CEP164: variants seen among roughly 807,000 people sequenced by gnomAD.
CEP164 encodes the protein centrosomal protein 164, also known as centrosomal protein of 164 kDa.
Under a neutral mutation model 182.7 loss-of-function variants are expected in CEP164, and 162 were observed. That is an observed-to-expected ratio of 0.89 (90% CI 0.78 to 1.01). CEP164 has a LOEUF of 1.01. Ranked by LOEUF, CEP164 falls within the 50% of genes least tolerant of loss-of-function variation. The pLI, the probability that CEP164 is intolerant of heterozygous loss-of-function variation, is 0.00. For missense variants in CEP164, 1,735 were observed against 1,790.4 expected (o/e 0.97, Z 0.56); for synonymous variants, 661 against 690.0 (o/e 0.96, Z 0.66).
chr11:117,376,624 G>C (rs1229857847), intron 11 of CEP164, among the ~76,000 whole-genome samples: 1 of 148,004 alleles, frequency 6.8e-6, no homozygotes, highest in Non-Finnish European at 1.5e-5. Flanking sequence ...TGAAATGTGT[G>C]CTAGAGGCAG....
In CEP164 at chr11:117,409,656, G is replaced by A. The variant is rs748443825; in HGVS notation, c.3787G>A (p.Gly1263Arg). ...GAGTCTCACCTCCCGCAAGATCCACGGGCTTAGCCACTCCCTCCGGCAGAT... is the reference window on the plus strand; with the variant it reads ...GAGTCTCACCTCCCGCAAGATCCACAGGCTTAGCCACTCCCTCCGGCAGAT... Reference protein sequence around the residue: ...TPSLTSRKIHGLSHSLRQISS... With the variant: ...TPSLTSRKIHRLSHSLRQISS... Residue 1263 changes from glycine to arginine, a missense_variant, in exon 30 of 33, where the codon GGG becomes AGG. By Grantham distance (125) the Gly-to-Arg change is moderately radical. Transcript: ENST00000278935. The surrounding 1 kb of genome is among the most constrained non-coding windows in gnomAD (Gnocchi z 4.4). The A allele has an allele frequency of 5.6e-6, 9 of 1,611,504 alleles. No homozygotes were observed. The highest frequency in any genetic ancestry group is 5.3e-5 in the African/African-American group (4 of 74,788).
intron 8 of CEP164, among the ~76,000 whole-genome samples, chr11:117,366,023 T>G (rs899229091): frequency 3.9e-5 from 6 of 152,084 alleles, no homozygotes; most frequent in Admixed American, 6.6e-5. Context: ...GTGGGTGGTG[T>G]TAAATACACC....
chr11:117,336,757 G>T, intron 2 of CEP164: 1 of 621,810 alleles, frequency 1.6e-6, no homozygotes. Flanking sequence ...TGCTCCAGGA[G>T]GAACAGTGGC....
chr11:117,396,652 A>G (rs2045510017), intron 26 of CEP164, 41 bp downstream of exon 26: 1 of 1,496,418 alleles, frequency 6.7e-7, no homozygotes, highest in East Asian at 2.3e-5. Flanking sequence ...TTAGGGTACC[A>G]TGAAGGGGTA....
intron 5 of CEP164, among the ~76,000 whole-genome samples, chr11:117,361,105 T>C (rs2040903134): frequency 6.6e-6 from 1 of 150,980 alleles, no homozygotes; most frequent in South Asian, 2.1e-4. Context: ...CAGCTAATTT[T>C]TGTATTTTTA....
intron 14 of CEP164, chr11:117,385,636 A>G (rs991117892): frequency 6.6e-6 from 1 of 152,266 alleles, no homozygotes; most frequent in Admixed American, 6.5e-5. Flanking sequence ...AATGAGTTGG[A>G]GGGTTGATGA....
At chr11:117,387,704 T>C (rs2044121170) in intron 15 of CEP164, among the ~76,000 whole-genome samples, 1 of 152,250 alleles carries the variant, frequency 6.6e-6, no homozygotes, top group Non-Finnish European at 1.5e-5. Context: ...ATGAGCCATC[T>C]GTCACAGTCC....
intron 15 of CEP164, 109 bp from the exon 16 acceptor site, chr11:117,390,668 G>T: frequency 2.4e-5 from 31 of 1,292,412 alleles, no homozygotes; most frequent in Non-Finnish European, 2.8e-5. Flanking sequence ...GATTTAGGAA[G>T]TTTCTTAGGC....
At chr11:117,356,367 A>C in intron 5 of CEP164, 1 of 1,167,362 alleles carries the variant, frequency 8.6e-7, no homozygotes, top group African/African-American at 1.7e-5. Context: ...ATGGCAGCTG[A>C]GTCTTCTAGG....
rs1009399368 is a variant in CEP164 at position 117,359,596 on chromosome 11, G to A, written c.394-2239G>A. On this transcript the variant is annotated intron_variant, in intron 5 of 32. Transcript: ENST00000278935. ...GGATCTTCTGAACCTCAGCCTGACCGCCTCTGGGTTTCCTTTTCTCTCTTC... is the reference window on the plus strand; with the variant it reads ...GGATCTTCTGAACCTCAGCCTGACCACCTCTGGGTTTCCTTTTCTCTCTTC... The A allele has an allele frequency of 1.1e-5, 11 of 985,216 alleles. No homozygotes were observed. The African/African-American group carries it at 1.2e-4, about 11-fold the overall frequency. 61.0% of individuals were successfully genotyped at this position (985,216 alleles called of 1,614,324 possible).
In CEP164 at chr11:117,344,246, G is replaced by T. The variant is rs754168748; in HGVS notation, c.163G>T (p.Val55Leu). 4 of 1,613,224 alleles carry T rather than the reference G, an allele frequency of 2.5e-6. 1 individual carries two copies. In the South Asian group the frequency reaches 3.3e-5, roughly 13 times the overall value. The change falls in exon 4 of 33, where the codon GTG becomes TTG. Residue 55 changes from valine (V) to leucine (L), a missense_variant. Transcript: ENST00000278935. Reference protein sequence around the residue: ...ELMWLAREGIVAPLPGEWKPC... With the variant: ...ELMWLAREGILAPLPGEWKPC... ...GATGTGGCTGGCGCGAGAGGGCATC[G>T]TGGCCCCACTGCCTGGAGAGTGGAA...
chr11:117,362,912 ATGTT>A (rs2041160862), intron 7 of CEP164, among the ~76,000 whole-genome samples: 1 of 152,152 alleles, frequency 6.6e-6, no homozygotes, highest in African/African-American at 2.4e-5. Context: ...GAATTATACA[ATGTT>A]TGTCCTTTTG....
intron 4 of CEP164, among the ~76,000 whole-genome samples, chr11:117,350,681 A>G (rs979234091): frequency 2.6e-5 from 4 of 152,084 alleles, no homozygotes; most frequent in African/African-American, 7.2e-5. Flanking sequence ...CTTGATTGAA[A>G]TTGTATTGGA....
At chr11:117,359,133 A>G (rs2040642682) in intron 5 of CEP164, among the ~76,000 whole-genome samples, 1 of 152,158 alleles carries the variant, frequency 6.6e-6, no homozygotes, top group African/African-American at 2.4e-5. Flanking sequence ...TAGTAGAGAC[A>G]GGGTTTTACC....
intron 9 of CEP164, among the ~76,000 whole-genome samples, chr11:117,372,267 C>A (rs1362260515): frequency 1.3e-5 from 2 of 151,926 alleles, no homozygotes; most frequent in Non-Finnish European, 2.9e-5. Flanking sequence ...ACCACCATTC[C>A]TGGCTAATTT....
chr11:117,351,951 AAGAC>A lies in CEP164; in HGVS notation c.358_361del (p.Asp120ArgfsTer17), dbSNP rs1307786899. ...AAGAAGAAAAAAAAAAAGGAAAAGA[AAGAC>A]AAGAAGGACAGAGACCCCCCCAAAA... On this transcript the variant is annotated frameshift_variant, in exon 5 of 33. Transcript: ENST00000278935. LOFTEE classifies it high-confidence loss of function. The A allele has an allele frequency of 6.2e-7, 1 of 1,608,836 alleles. No individual in the cohort carries two copies. The highest frequency in any genetic ancestry group is 1.3e-5 in the African/African-American group (1 of 74,832).
chr11:117,408,168 C>T, intron 28 of CEP164, 136 bp downstream of exon 28: 3 of 592,808 alleles, frequency 5.1e-6, no homozygotes, highest in Non-Finnish European at 6.0e-6. Flanking sequence ...GGCTTGTCTA[C>T]TGGCTGATGA....
At chr11:117,382,307 A>G (rs2043415091) in intron 13 of CEP164, among the ~76,000 whole-genome samples, 1 of 152,098 alleles carries the variant, frequency 6.6e-6, no homozygotes, top group Non-Finnish European at 1.5e-5. Context: ...CTTGTCATTC[A>G]GCAACCCCAG....
Position 117,371,275 on chromosome 11 carries a change from C to G in CEP164, c.961C>G (p.Pro321Ala), listed in dbSNP as rs566379982. The change falls in exon 9 of 33, where the codon CCT (proline) becomes GCT (alanine). Residue 321 changes from proline (P) to alanine (A), a missense_variant. Physicochemically the swap from Pro to Ala is conservative, Grantham distance 27. Coordinates refer to ENST00000278935, the MANE Select transcript of CEP164 (RefSeq NM_014956.5). ...AAAAGAGGAAAATGAGAAGAGTGAA[C>G]CTAAGATTTGCAGGAATCTGGTGAC... ...PEKEENEKSE[P>A]KICRNLVTPK... The G allele has an allele frequency of 1.2e-6, 2 of 1,614,150 alleles. No homozygotes were observed. The highest frequency in any genetic ancestry group is 1.7e-6 in the Non-Finnish European group (2 of 1,180,028).
Sources: gnomAD v4.1 joint callset for allele counts (sites outside exome capture counted in the v4.1 genomes callset) on GRCh38, gnomAD v4.1.1 for gene constraint, Gnocchi (gnomAD v3.1) non-coding constraint, MANE v1.5 for transcripts, NCBI Gene and HGNC (gene_info 2026-07-23, HGNC 2026-07-21) for gene names.